EMC1: variants seen among roughly 807,000 people sequenced by gnomAD.
The protein encoded by EMC1 is KIAA0090.
Under a neutral mutation model 128.8 loss-of-function variants are expected in EMC1, and 103 were observed. The observed-to-expected ratio is 0.80, with a 90% CI of 0.68 to 0.94. The LOEUF is 0.94. Ranked by LOEUF, EMC1 falls within the 40% of genes least tolerant of loss-of-function variation. The probability of loss-of-function intolerance (pLI) is 0.00; values close to 1 mark genes in which losing one functional copy is unlikely to be tolerated. For missense variants in EMC1, 1,083 were observed against 1,250.6 expected, an observed-to-expected ratio of 0.87 and a Z score of 2.02; for synonymous variants, 442 against 490.4, an observed-to-expected ratio of 0.90 and a Z score of 1.30.
At chr1:19,228,205 CA>C (rs35109698) in intron 17 of EMC1, among the ~76,000 whole-genome samples, 17,607 of 101,752 alleles carry the variant, frequency 0.17, 1,014 homozygotes, top group Middle Eastern at 0.28. Context: ...AACTCCGGCT[CA>C]AAAAAAAAAA....
chr1:19,249,385 T>C (rs1219507391), intron 1 of EMC1, among the ~76,000 whole-genome samples: 2 of 152,228 alleles, frequency 1.3e-5, no homozygotes, highest in Non-Finnish European at 2.9e-5. Flanking sequence ...ATACATTTTC[T>C]ATGTTTAGAT....
Position 19,238,791 on chromosome 1 carries a change from A to G in EMC1, c.1089+4T>C. On this transcript the variant is annotated splice_donor_region_variant and intron_variant, in intron 10 of 22. Transcript: ENST00000477853. ...CTGGCATACTGCCCAGTGCCACACC[A>G]TACCTTTGAACTAGACTTCTCCGAA... The G allele has an allele frequency of 1.2e-6, 2 of 1,604,190 alleles. No individual in the cohort carries two copies. The highest frequency in any genetic ancestry group is 1.7e-5 in the Admixed American group (1 of 60,000).
intron 18 of EMC1, among the ~76,000 whole-genome samples, chr1:19,225,765 G>T (rs1571982351): frequency 6.6e-6 from 1 of 151,436 alleles, no homozygotes; most frequent in East Asian, 1.9e-4. Flanking sequence ...GCTGCAGTGA[G>T]CTGTGATCAC....
chr1:19,226,002 G>C (rs572847487), intron 18 of EMC1, among the ~76,000 whole-genome samples: 1 of 152,060 alleles, frequency 6.6e-6, no homozygotes. Flanking sequence ...GCTAGGCCAC[G>C]GCAGAGCCAA....
intron 13 of EMC1, among the ~76,000 whole-genome samples, chr1:19,233,601 T>G (rs962719031): frequency 1.5e-4 from 23 of 152,240 alleles, no homozygotes; most frequent in Non-Finnish European, 3.1e-4. Flanking sequence ...GTCAGCTGTT[T>G]AACCTGCACC....
chr1:19,219,793 T>C (rs2093417588), intron 21 of EMC1, 95 bp from the exon 22 acceptor site: 1 of 1,426,964 alleles, frequency 7.0e-7, no homozygotes, highest in East Asian at 2.3e-5. Flanking sequence ...CCAGGCTACA[T>C]ATCTAGCCTC....
At chr1:19,231,500 T>G in intron 15 of EMC1, 78 bp from the exon 16 acceptor site, 1 of 1,428,598 alleles carries the variant, frequency 7.0e-7, no homozygotes, top group Non-Finnish European at 9.5e-7. Flanking sequence ...GAGCTGGGAC[T>G]CCAGCTCAAC....
rs750471445 is a variant in EMC1, at chr1:19,230,837, T to C, written c.2064+7A>G. 2 of 1,613,378 alleles carry C rather than the reference T, an allele frequency of 1.2e-6. No individual in the cohort carries two copies. The highest frequency in any genetic ancestry group is 1.7e-6 in the Non-Finnish European group (2 of 1,179,798). On this transcript the variant is annotated splice_region_variant and intron_variant, in intron 17 of 22. Coordinates refer to ENST00000477853, the MANE Select transcript of EMC1 (RefSeq NM_015047.3). ...ACAAAGGGTTGTGCCAGGACATGCC[T>C]TCCTACCTTTCGAAGCCGATATCCA...
At chr1:19,236,569 T>C (rs1286144356) in intron 12 of EMC1, among the ~76,000 whole-genome samples, 1 of 148,790 alleles carries the variant, frequency 6.7e-6, no homozygotes, top group Non-Finnish European at 1.5e-5. Context: ...GGCAGGAGAA[T>C]CACTTAAACC....
intron 12 of EMC1, among the ~76,000 whole-genome samples, chr1:19,235,696 G>A (rs762020898): frequency 1.3e-4 from 19 of 151,942 alleles, no homozygotes; most frequent in South Asian, 2.1e-4. Flanking sequence ...GCGAGACTCC[G>A]TCTTGAAATA....
At chr1:19,233,689 C>T (rs2093541610) in intron 13 of EMC1, among the ~76,000 whole-genome samples, 1 of 152,192 alleles carries the variant, frequency 6.6e-6, no homozygotes, top group Admixed American at 6.5e-5. Flanking sequence ...CCACTGCCCT[C>T]CAAATCTCCT....
rs776060057 is a variant in EMC1, at chr1:19,241,164, C to T, written c.510-22G>A. 56 of 1,612,930 alleles carry T rather than the reference C, an allele frequency of 3.5e-5. No homozygotes were observed. In the East Asian group the frequency reaches 1.2e-3, roughly 35 times the overall value. On this transcript the variant is annotated intron_variant, in intron 5 of 22. Transcript: ENST00000477853. ...GTCACTAAGAGAGGGAAGAAGAAAC[C>T]GCAGCGTCAGCTTTCAACCCAGGAC...
Position 19,219,717 on chromosome 1 carries a change from G to A in EMC1, c.2673-19C>T. The stretch of plus-strand genomic sequence containing the variant: ...CTCCTCTCTGCAAAACACCAGCCGG[G>A]ACAGGCAGTCTGAGCACTGCTGTAA... On this transcript the variant is annotated intron_variant, in intron 21 of 22. Coordinates refer to ENST00000477853, the MANE Select transcript of EMC1 (RefSeq NM_015047.3). 2 of 1,613,982 alleles carry A rather than the reference G, an allele frequency of 1.2e-6. No individual in the cohort carries two copies. The highest frequency in any genetic ancestry group is 1.7e-6 in the Non-Finnish European group (2 of 1,179,932).
At chr1:19,230,767 A>G in intron 17 of EMC1, 77 bp downstream of exon 17, 1 of 1,570,842 alleles carries the variant, frequency 6.4e-7, no homozygotes, top group Non-Finnish European at 8.7e-7. Context: ...GAGTAGCATA[A>G]TTCACTTCTT....
At chr1:19,250,516 G>A (rs1175115499) in intron 1 of EMC1, among the ~76,000 whole-genome samples, 6 of 152,102 alleles carry the variant, frequency 3.9e-5, no homozygotes, top group Admixed American at 3.3e-4. Flanking sequence ...CACACTGTCT[G>A]GCATAACAGG....
At chr1:19,243,019 C>T (rs532833096) in intron 4 of EMC1, among the ~76,000 whole-genome samples, 2 of 152,270 alleles carry the variant, frequency 1.3e-5, no homozygotes, top group East Asian at 1.9e-4. Flanking sequence ...GGGAGGATCA[C>T]GGGGTCAGGA....
chr1:19,224,936 C>T (rs1392588582), intron 18 of EMC1, among the ~76,000 whole-genome samples: 1 of 152,194 alleles, frequency 6.6e-6, no homozygotes, highest in East Asian at 1.9e-4. Context: ...GCTACCCACA[C>T]AACTCACTTC....
rs908516030 is a variant in EMC1 at position 19,218,981 on chromosome 1, C to A, written c.*322G>T. 3.3e-5 allele frequency: 6 copies of A among 180,780 alleles called. No individual in the cohort carries two copies. Among genetic ancestry groups the A allele is most frequent in the African/African-American group, 1.7e-4 (6 of 34,922 alleles). 11.2% of individuals were successfully genotyped at this position (180,780 alleles called of 1,614,324 possible). On this transcript the variant is annotated 3_prime_UTR_variant, in exon 23 of 23. Transcript: ENST00000477853. ...GGCCTCACAAAAATCAGCCGGAATT[C>A]TTATTAAAAAAAACAAAACAGAACA...
intron 1 of EMC1, among the ~76,000 whole-genome samples, chr1:19,249,132 TAAA>T (rs1214188073): frequency 6.6e-6 from 1 of 152,198 alleles, no homozygotes; most frequent in Admixed American, 6.5e-5. Flanking sequence ...GTTTGTAAAG[TAAA>T]AAAGTTACAT....
Sources: gnomAD v4.1 joint callset for allele counts (sites outside exome capture counted in the v4.1 genomes callset) on GRCh38, gnomAD v4.1.1 for gene constraint, MANE v1.5 for transcripts, NCBI Gene and HGNC (gene_info 2026-07-23, HGNC 2026-07-21) for gene names.